The following LCMT1 variants were observed in gnomAD, a reference collection of about 807,000 sequenced individuals.
LCMT1 encodes the protein [Phosphatase 2A protein]-leucine-carboxy methyltransferase 1.
Under a neutral mutation model 47.7 loss-of-function variants are expected in LCMT1, and 32 were observed. That is an observed-to-expected ratio of 0.67 (90% CI 0.51 to 0.90). The LOEUF is 0.90. LCMT1 is among the 40% of genes least tolerant of loss of function. The probability of loss-of-function intolerance (pLI) is 0.00; values close to 1 mark genes in which losing one functional copy is unlikely to be tolerated. For synonymous variants in LCMT1, 152 were observed against 149.7 expected (o/e 1.02, Z -0.11); for missense variants, 375 against 415.2 (o/e 0.90, Z 0.84).
chr16:25,151,037 G>A (rs567061868), intron 4 of LCMT1, among the ~76,000 whole-genome samples: 31 of 152,216 alleles, frequency 2.0e-4, no homozygotes, highest in Non-Finnish European at 3.5e-4. Context: ...TGGTTGTTGG[G>A]ATATTGACGC....
At chr16:25,126,504 C>T (rs1268689248) in intron 1 of LCMT1, among the ~76,000 whole-genome samples, 1 of 111,940 alleles carries the variant, frequency 8.9e-6, no homozygotes, top group East Asian at 2.6e-4. Flanking sequence ...CCGTGACCGT[C>T]TTCCTCTCTA....
At chr16:25,170,629 C>T (rs1415498674) in intron 8 of LCMT1, 85 bp from the exon 9 acceptor site, 23 of 1,099,714 alleles carry the variant, frequency 2.1e-5, no homozygotes, top group Non-Finnish European at 2.7e-5. Flanking sequence ...GACCTTGTCT[C>T]TTTAAAACAA....
Position 25,164,685 on chromosome 16 carries a change from T to A in LCMT1, c.657T>A (p.Ser219Arg), listed in dbSNP as rs550609979. 1 of 1,613,956 alleles carries A rather than the reference T, an allele frequency of 6.2e-7. No individual in the cohort carries two copies. Among genetic ancestry groups the A allele is most frequent in the Admixed American group, 1.7e-5 (1 of 60,004 alleles). The change falls in exon 7 of 11, where the codon AGT becomes AGA. Residue 219 changes from serine to arginine, a missense_variant. Coordinates refer to ENST00000399069, the MANE Select transcript of LCMT1 (RefSeq NM_016309.3). ...SANLLKWAAN[S>R]FERAMFINYE... Reference sequence around the variant, plus strand: ...ACCTCCTGAAGTGGGCAGCCAACAGTTTTGAGAGAGCCATGTTCATAAACT... The same window carrying A: ...ACCTCCTGAAGTGGGCAGCCAACAGATTTGAGAGAGCCATGTTCATAAACT...
intron 1 of LCMT1, among the ~76,000 whole-genome samples, chr16:25,118,093 T>C (rs1959854302): frequency 6.6e-6 from 1 of 152,174 alleles, no homozygotes; most frequent in Non-Finnish European, 1.5e-5. Context: ...GAAATCTGTA[T>C]CTCACACTGA....
chr16:25,148,347 G>C (rs3785372), intron 4 of LCMT1: 9,287 of 152,288 alleles, frequency 0.061, 324 homozygotes, highest in East Asian at 0.14. Flanking sequence ...CCCATGTGCC[G>C]TCAATTCTCC....
At chr16:25,116,545 G>A (rs889803853) in intron 1 of LCMT1, among the ~76,000 whole-genome samples, 11 of 151,896 alleles carry the variant, frequency 7.2e-5, no homozygotes, top group African/African-American at 2.7e-4. Flanking sequence ...TTAGGGCCTG[G>A]CCCACAGCAC....
intron 5 of LCMT1, among the ~76,000 whole-genome samples, chr16:25,154,210 C>T (rs912692248): frequency 1.4e-4 from 21 of 151,486 alleles, no homozygotes; most frequent in African/African-American, 5.1e-4. Context: ...GACAGGGTTT[C>T]AGCATGTTGG....
chr16:25,123,600 CTTTTTT>C (rs1173228613), intron 1 of LCMT1, among the ~76,000 whole-genome samples: 303 of 63,510 alleles, frequency 4.8e-3, no homozygotes, highest in African/African-American at 0.021. Flanking sequence ...AAATTGCTTT[CTTTTTT>C]TTTTTTTTTT....
intron 6 of LCMT1, 122 bp from the exon 7 acceptor site, chr16:25,164,476 G>A: frequency 8.9e-7 from 1 of 1,119,118 alleles, no homozygotes; most frequent in Non-Finnish European, 1.3e-6. Context: ...GGCTGTGCTT[G>A]CTCAGGCCTT....
intron 6 of LCMT1, among the ~76,000 whole-genome samples, chr16:25,162,402 A>G (rs573892237): frequency 3.3e-5 from 5 of 152,080 alleles, no homozygotes; most frequent in African/African-American, 1.2e-4. Flanking sequence ...CAGCCTGGCC[A>G]GCATATTGAA....
intron 5 of LCMT1, among the ~76,000 whole-genome samples, chr16:25,152,731 G>A (rs1160949257): frequency 6.6e-6 from 1 of 152,116 alleles, no homozygotes; most frequent in Non-Finnish European, 1.5e-5. Flanking sequence ...CCATCCTCCA[G>A]TTCTGTCCCC....
chr16:25,171,628 A>C (rs1158477775), intron 9 of LCMT1, among the ~76,000 whole-genome samples: 1 of 152,220 alleles, frequency 6.6e-6, no homozygotes, highest in African/African-American at 2.4e-5. Context: ...AATTTTACAT[A>C]ATCCCTGCTT....
At chr16:25,149,248 T>G (rs1303556940) in intron 4 of LCMT1, among the ~76,000 whole-genome samples, 1 of 152,158 alleles carries the variant, frequency 6.6e-6, no homozygotes, top group African/African-American at 2.4e-5. Context: ...TGTGACTTAT[T>G]TTTTTTAAAG....
At chr16:25,149,991 A>C (rs1367648944) in intron 4 of LCMT1, among the ~76,000 whole-genome samples, 2 of 151,924 alleles carry the variant, frequency 1.3e-5, no homozygotes, top group Non-Finnish European at 2.9e-5. Context: ...TATATGAATG[A>C]ATGAATGGAA....
intron 5 of LCMT1, among the ~76,000 whole-genome samples, chr16:25,154,617 G>T (rs2141687385): frequency 6.6e-6 from 1 of 151,310 alleles, no homozygotes; most frequent in East Asian, 1.9e-4. Context: ...CTCCCAAGTA[G>T]CTGGGACTAC....
intron 1 of LCMT1, among the ~76,000 whole-genome samples, chr16:25,128,104 T>C (rs1288351177): frequency 1.3e-5 from 2 of 152,192 alleles, no homozygotes; most frequent in Non-Finnish European, 2.9e-5. Context: ...GCTTTTTCAT[T>C]TAGTGGAATT....
At chr16:25,130,257 G>A (rs868210041) in intron 2 of LCMT1, among the ~76,000 whole-genome samples, 1 of 149,946 alleles carries the variant, frequency 6.7e-6, no homozygotes, top group African/African-American at 2.5e-5. Flanking sequence ...GGAGAATGGC[G>A]TGAACCCGGG....
At chr16:25,176,537 T>G (rs952039946) in intron 10 of LCMT1, among the ~76,000 whole-genome samples, 8 of 148,348 alleles carry the variant, frequency 5.4e-5, no homozygotes, top group African/African-American at 9.9e-5. Flanking sequence ...TTTTGGTTTT[T>G]GTTTTTTTTT....
chr16:25,176,274 T>G (rs1181278137), intron 10 of LCMT1, among the ~76,000 whole-genome samples: 1 of 152,116 alleles, frequency 6.6e-6, no homozygotes, highest in East Asian at 1.9e-4. Flanking sequence ...GGAGGCCACT[T>G]TAGATCCCAG....
Sources: gnomAD v4.1 joint callset for allele counts (sites outside exome capture counted in the v4.1 genomes callset) on GRCh38, gnomAD v4.1.1 for gene constraint, MANE v1.5 for transcripts, NCBI Gene and HGNC (gene_info 2026-07-23, HGNC 2026-07-21) for gene names.